BMPR1B: variants seen among roughly 807,000 people sequenced by gnomAD.
BMPR1B encodes the protein bone morphogenetic protein receptor type 1B, also known as bone morphogenetic protein receptor type-1B.
BMPR1B carries 12 observed loss-of-function variants against 59.1 expected under a neutral mutation model. The observed-to-expected ratio is 0.20, with a 90% CI of 0.13 to 0.33. The LOEUF is 0.33. Ranked by LOEUF, BMPR1B falls within the 10% of genes least tolerant of loss-of-function variation. BMPR1B has a pLI of 1.00. For synonymous variants in BMPR1B, 237 were observed against 207.3 expected, an observed-to-expected ratio of 1.14 and a Z score of -1.23; for missense variants, 550 against 610.9, an observed-to-expected ratio of 0.90 and a Z score of 1.05.
At chr4:94,956,685 T>C (rs1308795315) in intron 2 of BMPR1B, among the ~76,000 whole-genome samples, 2 of 152,236 alleles carry the variant, frequency 1.3e-5, no homozygotes, top group African/African-American at 4.8e-5. Flanking sequence ...TTTAGTGTGC[T>C]CTTATCATAC....
intron 1 of BMPR1B, among the ~76,000 whole-genome samples, chr4:94,860,739 G>T (rs1465016129): frequency 6.6e-6 from 1 of 152,158 alleles, no homozygotes; most frequent in Non-Finnish European, 1.5e-5. Context: ...TTGGAGCTTG[G>T]CAGAGCTGAG....
At chr4:94,779,715 C>G (rs34752274) in intron 1 of BMPR1B, among the ~76,000 whole-genome samples, 1 of 151,646 alleles carries the variant, frequency 6.6e-6, no homozygotes, top group Non-Finnish European at 1.5e-5. Flanking sequence ...GCCTGTAGTC[C>G]GAGCTACTCA....
rs777085969 is a variant in BMPR1B, at chr4:95,120,610, TTTCCTTCCTTCC to T, written c.350-3169_350-3158del. Among the ~76,000 whole-genome samples the T allele has an allele frequency of 8.5e-4, 104 of 122,668 alleles. 1 individual carries two copies. The highest frequency in any genetic ancestry group is 2.4e-3 in the African/African-American group (81 of 33,844). 80.5% of individuals were successfully genotyped at this position (122,668 alleles called of 152,430 possible). On this transcript the variant is annotated intron_variant, in intron 6 of 12. Coordinates refer to ENST00000515059, the MANE Select transcript of BMPR1B (RefSeq NM_001203.3). ...ACAAAAAATCAGTCAATAGCCTGCCTTTCCTTCCTTCCTTCCTTCCTTCCTTCCTTCCTTCCT... is the reference window on the plus strand; with the variant it reads ...ACAAAAAATCAGTCAATAGCCTGCCTTTCCTTCCTTCCTTCCTTCCTTCCT...
At chr4:95,152,568 G>T in intron 11 of BMPR1B, 75 bp from the exon 12 acceptor site, 8 of 1,340,768 alleles carry the variant, frequency 6.0e-6, no homozygotes, top group Non-Finnish European at 8.1e-6. Context: ...TTTCCTTTGA[G>T]AACTGTGTTA....
At chr4:94,864,684 G>A (rs1726139097) in intron 1 of BMPR1B, among the ~76,000 whole-genome samples, 1 of 152,096 alleles carries the variant, frequency 6.6e-6, no homozygotes, top group South Asian at 2.1e-4. Context: ...TGAAAAAGAG[G>A]CACAAGCTTA....
intron 1 of BMPR1B, among the ~76,000 whole-genome samples, chr4:94,847,083 G>A (rs988892994): frequency 7.2e-5 from 11 of 152,106 alleles, no homozygotes; most frequent in African/African-American, 2.7e-4. Flanking sequence ...AATATAAGGG[G>A]CTCAAACATT....
chr4:94,788,215 C>G lies in BMPR1B; in HGVS notation c.-183+30147C>G, dbSNP rs187224935. 4.6e-3 allele frequency among the ~76,000 whole-genome samples: 699 copies of G among 152,256 alleles called. 5 individuals are homozygous for G. Among genetic ancestry groups the G allele is most frequent in the African/African-American group, 0.016 (649 of 41,530 alleles). ...CAGGACACAGTAAGAATTCTCTTGACTGGAAGCTGCGACCACAATATATTC... is the reference window on the plus strand; with the variant it reads ...CAGGACACAGTAAGAATTCTCTTGAGTGGAAGCTGCGACCACAATATATTC... On this transcript the variant is annotated intron_variant, in intron 1 of 12. Transcript: ENST00000515059.
At chr4:94,937,585 C>A (rs1279207982) in intron 2 of BMPR1B, among the ~76,000 whole-genome samples, 1 of 152,146 alleles carries the variant, frequency 6.6e-6, no homozygotes, top group Non-Finnish European at 1.5e-5. Flanking sequence ...GTTCCTTATT[C>A]TGTTTAGGGT....
At chr4:94,875,554 G>A (rs1726691241) in intron 1 of BMPR1B, among the ~76,000 whole-genome samples, 1 of 152,134 alleles carries the variant, frequency 6.6e-6, no homozygotes, top group Non-Finnish European at 1.5e-5. Flanking sequence ...TGTAGTGGCG[G>A]GCACCTGCAG....
chr4:95,127,224 A>G (rs6832735), intron 8 of BMPR1B, among the ~76,000 whole-genome samples: 2,689 of 152,252 alleles, frequency 0.018, 78 homozygotes, highest in African/African-American at 0.06. Context: ...TATACAATCA[A>G]TCTAAAAAGT....
intron 3 of BMPR1B, among the ~76,000 whole-genome samples, chr4:95,012,044 A>C (rs899577263): frequency 3.9e-5 from 6 of 152,034 alleles, no homozygotes; most frequent in African/African-American, 9.7e-5. Flanking sequence ...AACAACAAAA[A>C]AAAAAAAGAA....
chr4:95,053,078 C>T (rs757248635), intron 3 of BMPR1B, among the ~76,000 whole-genome samples: 20 of 152,044 alleles, frequency 1.3e-4, no homozygotes, highest in Non-Finnish European at 2.8e-4. Flanking sequence ...CAATAAAAAG[C>T]AAAGAGGCCA....
intron 1 of BMPR1B, among the ~76,000 whole-genome samples, chr4:94,834,452 A>T (rs2148926998): frequency 6.6e-6 from 1 of 151,840 alleles, no homozygotes; most frequent in East Asian, 1.9e-4. Flanking sequence ...CATACTTGAA[A>T]ACCCTTCTTT....
intron 3 of BMPR1B, among the ~76,000 whole-genome samples, chr4:95,016,949 G>A (rs1347881300): frequency 6.6e-6 from 1 of 152,174 alleles, no homozygotes; most frequent in African/African-American, 2.4e-5. Flanking sequence ...AGACACAGCA[G>A]CATTGGTCAG....
At position 94,962,459 on chromosome 4, in the gene BMPR1B, C is replaced by A. The variant is rs116416293; in HGVS notation, c.-112-33581C>A. Among the ~76,000 whole-genome samples, 535 of 152,112 alleles carry A rather than the reference C, an allele frequency of 3.5e-3. 2 individuals carry two copies. Among genetic ancestry groups the A allele is most frequent in the African/African-American group, 0.012 (509 of 41,508 alleles). ...TAGCAGTATGTTTGTACCCATTAAT[C>A]AACATCTCTTAATTTTTTCTCTCCG... On this transcript the variant is annotated intron_variant, in intron 2 of 12. Coordinates refer to ENST00000515059, the MANE Select transcript of BMPR1B (RefSeq NM_001203.3).
chr4:94,950,009 T>A (rs1408041535), intron 2 of BMPR1B, among the ~76,000 whole-genome samples: 1 of 152,222 alleles, frequency 6.6e-6, no homozygotes, highest in African/African-American at 2.4e-5. Context: ...GATATCTCAT[T>A]GTGGTTTTGA....
intron 2 of BMPR1B, among the ~76,000 whole-genome samples, chr4:94,983,144 C>G (rs916982272): frequency 1.3e-5 from 2 of 152,114 alleles, no homozygotes; most frequent in African/African-American, 4.8e-5. Flanking sequence ...GGTGTCAGCT[C>G]CAAGGGCTCT....
chr4:95,009,939 T>C (rs990355585), intron 3 of BMPR1B, among the ~76,000 whole-genome samples: 3 of 152,180 alleles, frequency 2.0e-5, no homozygotes, highest in Non-Finnish European at 4.4e-5. Flanking sequence ...AAAGATGGCA[T>C]AGTACAACCG....
intron 1 of BMPR1B, among the ~76,000 whole-genome samples, chr4:94,808,144 C>T (rs75442897): frequency 0.041 from 6,282 of 152,120 alleles, 246 homozygotes; most frequent in African/African-American, 0.1. Context: ...GTTCTGAATG[C>T]TATTTTAAAT....
Sources: gnomAD v4.1 joint callset for allele counts (sites outside exome capture counted in the v4.1 genomes callset) on GRCh38, gnomAD v4.1.1 for gene constraint, MANE v1.5 for transcripts, NCBI Gene and HGNC (gene_info 2026-07-23, HGNC 2026-07-21) for gene names.